TMTC1: variants seen among roughly 807,000 people sequenced by gnomAD.
TMTC1 encodes transmembrane O-mannosyltransferase targeting cadherins 1, also known as protein O-mannosyl-transferase TMTC1.
Under a neutral mutation model 104.8 loss-of-function variants are expected in TMTC1, and 73 were observed. That is an observed-to-expected ratio of 0.70 (90% CI 0.58 to 0.85). TMTC1 has a LOEUF of 0.85. Among genes scored for constraint, TMTC1 ranks in the 40% least tolerant of loss-of-function variants. The pLI, the probability that TMTC1 is intolerant of heterozygous loss-of-function variation, is 0.00. For synonymous variants in TMTC1, 434 were observed against 428.7 expected, an observed-to-expected ratio of 1.01 and a Z score of -0.15; for missense variants, 1,035 against 1,096.1, an observed-to-expected ratio of 0.94 and a Z score of 0.79.
At position 29,536,318 on chromosome 12, in the gene TMTC1, C is replaced by A; in HGVS notation, c.1677-1G>T. The A allele has an allele frequency of 3.2e-6, 5 of 1,586,776 alleles. No homozygotes were observed. The highest frequency in any genetic ancestry group is 4.3e-6 in the Non-Finnish European group (5 of 1,158,776). ...AGCTTCTTCCTTTTTCTCCTGGGAC[C>A]TATAGATAATAATGAAGGGGTGGGG... is the stretch of plus-strand genomic sequence containing the variant. On this transcript the variant is annotated splice_acceptor_variant, in intron 10 of 17. Transcript: ENST00000539277. LOFTEE classifies it high-confidence loss of function.
intron 14 of TMTC1, among the ~76,000 whole-genome samples, chr12:29,517,031 A>G (rs1182077977): frequency 6.6e-6 from 1 of 152,198 alleles, no homozygotes; most frequent in Non-Finnish European, 1.5e-5. Flanking sequence ...TGGTTCAGGA[A>G]AAAAATAACA....
At chr12:29,708,247 T>G (rs1345773169) in intron 5 of TMTC1, among the ~76,000 whole-genome samples, 3 of 152,232 alleles carry the variant, frequency 2.0e-5, no homozygotes, top group African/African-American at 7.2e-5. Flanking sequence ...TTTGCTTTAC[T>G]CTGGTACTGT....
At chr12:29,750,898 A>G (rs1284161334) in intron 5 of TMTC1, among the ~76,000 whole-genome samples, 1 of 152,180 alleles carries the variant, frequency 6.6e-6, no homozygotes, top group African/African-American at 2.4e-5. Flanking sequence ...TAACCAATCA[A>G]ATATTTCCTT....
intron 17 of TMTC1, among the ~76,000 whole-genome samples, chr12:29,511,613 G>T (rs1943839296): frequency 1.3e-5 from 2 of 152,022 alleles, no homozygotes; most frequent in South Asian, 2.1e-4. Flanking sequence ...AGGGAGAAAA[G>T]GTATATTAGA....
chr12:29,783,344 G>T lies in TMTC1; in HGVS notation c.302+106C>A. 9.5e-7 allele frequency: 1 copy of T among 1,053,558 alleles called. No homozygotes were observed. The highest frequency in any genetic ancestry group is 1.2e-6 in the Non-Finnish European group (1 of 820,288). The allele number at this position is 1,053,558 out of a possible 1,614,324, so 65.3% of individuals were successfully genotyped here. ...GGAGGGAGGCGTGGAGGGAAAGGGC[G>T]GCAAAAATGAAATGCCCCCAAGTCA... On this transcript the variant is annotated intron_variant, in intron 1 of 17. Coordinates refer to ENST00000539277, the MANE Select transcript of TMTC1 (RefSeq NM_001193451.2). The surrounding 1 kb of genome is among the most constrained non-coding windows in gnomAD (Gnocchi z 4.7).
At chr12:29,641,186 C>T (rs1008692563) in intron 5 of TMTC1, 1 of 152,342 alleles carries the variant, frequency 6.6e-6, no homozygotes, top group Non-Finnish European at 1.5e-5. Context: ...AGGGCATATA[C>T]TCTTGGGAGT....
chr12:29,689,211 C>T (rs1401977475), intron 5 of TMTC1, among the ~76,000 whole-genome samples: 4 of 151,730 alleles, frequency 2.6e-5, no homozygotes, highest in South Asian at 2.1e-4. Flanking sequence ...GTGTACCACC[C>T]GAATTCATTT....
intron 2 of TMTC1, among the ~76,000 whole-genome samples, chr12:29,762,019 C>T (rs1402819149): frequency 2.6e-5 from 4 of 152,024 alleles, no homozygotes; most frequent in Admixed American, 6.6e-5. Flanking sequence ...AACCCTGTCT[C>T]TACCAAAAAT....
chr12:29,775,450 A>T (rs1943686117), intron 1 of TMTC1, among the ~76,000 whole-genome samples: 1 of 152,176 alleles, frequency 6.6e-6, no homozygotes, highest in South Asian at 2.1e-4. Flanking sequence ...CATTCATTAG[A>T]ACAACTCAGA....
At position 29,501,622 on chromosome 12, in the gene TMTC1, T is replaced by A. The variant is rs913015594; in HGVS notation, c.*5224A>T. 1 of 151,784 alleles carries A rather than the reference T, an allele frequency of 6.6e-6. No homozygotes were observed. Among genetic ancestry groups the A allele is most frequent in the African/African-American group, 2.4e-5 (1 of 41,338 alleles). The allele number at this position is 151,784 out of a possible 1,614,324, so 9.4% of individuals were successfully genotyped here. A position where few individuals can be genotyped will look rare whatever the true frequency, so the allele number is the denominator to read the frequency against. On this transcript the variant is annotated 3_prime_UTR_variant, in exon 18 of 18. Transcript: ENST00000539277. ...ACTGAAAACTACCAAATTTGTTACA[T>A]ATATATATATACAACGTGTACTACT... is the stretch of plus-strand genomic sequence containing the variant.
At chr12:29,752,480 A>G (rs1943115714) in intron 4 of TMTC1, among the ~76,000 whole-genome samples, 2 of 152,236 alleles carry the variant, frequency 1.3e-5, no homozygotes, top group Non-Finnish European at 2.9e-5. Context: ...ACGTGCATCT[A>G]TCCTTTGCCC....
chr12:29,705,880 A>G (rs1188130823), intron 5 of TMTC1, among the ~76,000 whole-genome samples: 5 of 152,092 alleles, frequency 3.3e-5, no homozygotes, highest in African/African-American at 1.2e-4. Flanking sequence ...TGAGCCCCAA[A>G]TATCATGTGC....
At chr12:29,633,504 A>T (rs1162002312) in intron 5 of TMTC1, among the ~76,000 whole-genome samples, 168 bp from the exon 6 acceptor site, 1 of 152,220 alleles carries the variant, frequency 6.6e-6, no homozygotes, top group African/African-American at 2.4e-5. Context: ...CATTAAATTG[A>T]TAGATTTGGG....
intron 5 of TMTC1, among the ~76,000 whole-genome samples, chr12:29,675,611 CA>C (rs1565760024): frequency 0.031 from 4,613 of 148,806 alleles, 231 homozygotes; most frequent in African/African-American, 0.11. Context: ...CACACACACA[CA>C]CACACACACA....
chr12:29,604,064 T>A (rs1946632973), intron 7 of TMTC1, 114 bp downstream of exon 7: 2 of 1,363,196 alleles, frequency 1.5e-6, no homozygotes, highest in South Asian at 1.4e-5. Context: ...AATAATAATA[T>A]CCCTTGTCCC....
intron 6 of TMTC1, among the ~76,000 whole-genome samples, chr12:29,622,571 A>G (rs1167171439): frequency 6.6e-6 from 1 of 152,220 alleles, no homozygotes; most frequent in African/African-American, 2.4e-5. Flanking sequence ...CACTATTCAT[A>G]GAAAAGAATG....
At chr12:29,637,993 A>G (rs929500989) in intron 5 of TMTC1, among the ~76,000 whole-genome samples, 23 of 152,302 alleles carry the variant, frequency 1.5e-4, no homozygotes, top group Non-Finnish European at 2.6e-4. Context: ...CCACCTGTCA[A>G]TATGCCACTG....
chr12:29,670,381 A>G (rs1940459576), intron 5 of TMTC1, among the ~76,000 whole-genome samples: 1 of 152,170 alleles, frequency 6.6e-6, no homozygotes, highest in Non-Finnish European at 1.5e-5. Context: ...TTCCTGTCAG[A>G]CGGGCACTAT....
intron 5 of TMTC1, among the ~76,000 whole-genome samples, chr12:29,685,664 C>A (rs542717642): frequency 6.6e-6 from 1 of 151,934 alleles, no homozygotes; most frequent in Non-Finnish European, 1.5e-5. Context: ...GCCTGGTTTG[C>A]AATACAGCAA....
Sources: gnomAD v4.1 joint callset for allele counts (sites outside exome capture counted in the v4.1 genomes callset) on GRCh38, gnomAD v4.1.1 for gene constraint, Gnocchi (gnomAD v3.1) non-coding constraint, MANE v1.5 for transcripts, NCBI Gene and HGNC (gene_info 2026-07-23, HGNC 2026-07-21) for gene names.